The following TFF2 variants were observed in gnomAD, a reference collection of about 807,000 sequenced individuals.
TFF2 encodes the protein spasmolysin.
Under a neutral mutation model 16.0 loss-of-function variants are expected in TFF2, and 19 were observed. The observed-to-expected ratio is 1.19, with a 90% CI of 0.83 to 1.74. TFF2 has a LOEUF of 1.74. TFF2 is among the 40% of genes most tolerant of loss of function. TFF2 has a pLI of 0.00. For synonymous variants in TFF2, 61 were observed against 65.4 expected (o/e 0.93, Z 0.32); for missense variants, 168 against 166.8 (o/e 1.01, Z -0.04).
intron 3 of TFF2, 114 bp downstream of exon 3, chr21:42,347,372 G>T: frequency 7.1e-7 from 1 of 1,409,564 alleles, no homozygotes; most frequent in Middle Eastern, 1.8e-4. Flanking sequence ...AGGGGCCCTG[G>T]CCTCGATGGC....
intron 1 of TFF2, 126 bp downstream of exon 1, chr21:42,350,753 G>A: frequency 9.8e-7 from 1 of 1,023,264 alleles, no homozygotes; most frequent in Non-Finnish European, 1.4e-6. Context: ...AATCCCATGT[G>A]AACAACACAC....
intron 2 of TFF2, among the ~76,000 whole-genome samples, chr21:42,349,151 C>T (rs2052093312): frequency 6.6e-6 from 1 of 151,116 alleles, no homozygotes; most frequent in African/African-American, 2.4e-5. Context: ...GACTAACCAG[C>T]CTACGCTAGC....
chr21:42,350,564 G>A (rs2146395020), intron 1 of TFF2, among the ~76,000 whole-genome samples: 1 of 152,268 alleles, frequency 6.6e-6, no homozygotes, highest in South Asian at 2.1e-4. Flanking sequence ...CCTCCTAGAG[G>A]AGGGTGAACA....
At position 42,347,480 on chromosome 21, in the gene TFF2, C is replaced by T. The variant is rs374026310; in HGVS notation, c.376+6G>A. On this transcript the variant is annotated splice_donor_region_variant and intron_variant, in intron 3 of 3. Transcript: ENST00000291526. ...AACCAGACAGAGAGTCCCACAGCGA[C>T]GTTACCTTCCACAGACTTCGGGAAG... 4.0e-5 allele frequency: 64 copies of T among 1,614,002 alleles called. No homozygotes were observed. In the East Asian group the frequency reaches 4.0e-4, roughly 10 times the overall value.
At chr21:42,347,684 G>T in intron 2 of TFF2, 52 bp from the exon 3 acceptor site, 2 of 1,596,560 alleles carry the variant, frequency 1.3e-6, no homozygotes, top group Non-Finnish European at 8.5e-7. Context: ...GCTGTGCCCT[G>T]GAAAGCTCCA....
chr21:42,346,583 C>G (rs529457253), intron 3 of TFF2, 37 bp from the exon 4 acceptor site: 2 of 1,584,310 alleles, frequency 1.3e-6, no homozygotes, highest in East Asian at 4.5e-5. Context: ...GTAAGGGAAC[C>G]CCAGAAATGG....
In TFF2 at chr21:42,346,550, G is replaced by A; in HGVS notation, c.377-4C>T. On this transcript the variant is annotated splice_region_variant and splice_polypyrimidine_tract_variant and intron_variant, in intron 3 of 3. Coordinates refer to ENST00000291526, the MANE Select transcript of TFF2 (RefSeq NM_005423.5). ...AGCCTCTCTTAGTAATGGCAGTCTAGAAGTTTAAATGCAAGATGGTTGGTA... is the reference window on the plus strand; with the variant it reads ...AGCCTCTCTTAGTAATGGCAGTCTAAAAGTTTAAATGCAAGATGGTTGGTA... The A allele has an allele frequency of 1.9e-6, 3 of 1,598,590 alleles. No homozygotes were observed. Among genetic ancestry groups the A allele is most frequent in the East Asian group, 4.5e-5 (2 of 44,630 alleles).
intron 2 of TFF2, among the ~76,000 whole-genome samples, 200 bp downstream of exon 2, chr21:42,349,681 T>C (rs1203572327): frequency 6.6e-6 from 1 of 152,070 alleles, no homozygotes. Context: ...AGCCCCAGAC[T>C]AACCAACCTG....
intron 3 of TFF2, 61 bp downstream of exon 3, chr21:42,347,425 A>G: frequency 6.2e-7 from 1 of 1,606,618 alleles, no homozygotes; most frequent in Non-Finnish European, 8.5e-7. Flanking sequence ...CCCCACCTCT[A>G]CGGACGGAGG....
Position 42,346,563 on chromosome 21 carries a change from A to T in TFF2, c.377-17T>A, listed in dbSNP as rs374783827. On this transcript the variant is annotated splice_polypyrimidine_tract_variant and intron_variant, in intron 3 of 3. Coordinates refer to ENST00000291526, the MANE Select transcript of TFF2 (RefSeq NM_005423.5). ...AATGGCAGTCTAGAAGTTTAAATGC[A>T]AGATGGTTGGTAAGGGAACCCCAGA... The T allele has an allele frequency of 3.1e-6, 5 of 1,592,618 alleles. No homozygotes were observed. In the East Asian group the frequency reaches 1.1e-4, roughly 36 times the overall value.
intron 2 of TFF2, among the ~76,000 whole-genome samples, chr21:42,349,191 G>T (rs749060899): frequency 4.0e-5 from 6 of 151,092 alleles, no homozygotes; most frequent in Non-Finnish European, 7.4e-5. Flanking sequence ...GCTAGCTCCA[G>T]ACTAACAAAC....
At position 42,350,763 on chromosome 21, in the gene TFF2, C is replaced by G. The variant is rs555665834; in HGVS notation, c.79+116G>C. 969 of 1,094,158 alleles carry G rather than the reference C, an allele frequency of 8.9e-4. 1 individual carries two copies. The highest frequency in any genetic ancestry group is 1.0e-3 in the Non-Finnish European group (780 of 762,818). The allele number at this position is 1,094,158 out of a possible 1,614,324, so 67.8% of individuals were successfully genotyped here. On this transcript the variant is annotated intron_variant, in intron 1 of 3. Coordinates refer to ENST00000291526, the MANE Select transcript of TFF2 (RefSeq NM_005423.5). ...TGGCAAATCCCATGTGAACAACACA[C>G]ATTGCCAGATGCCTTTATAGCCATT...
chr21:42,347,080 G>T (rs1009245752), intron 3 of TFF2, among the ~76,000 whole-genome samples: 3 of 152,226 alleles, frequency 2.0e-5, no homozygotes, highest in Non-Finnish European at 4.4e-5. Flanking sequence ...GGGGGAGAAC[G>T]GGGAAGCCAC....
At chr21:42,350,290 G>T in intron 1 of TFF2, 1 of 781,192 alleles carries the variant, frequency 1.3e-6, no homozygotes, top group Non-Finnish European at 1.6e-6. Context: ...ACTTTAGGAA[G>T]CCGAGGCGGG....
At chr21:42,347,749 G>A in intron 2 of TFF2, 117 bp from the exon 3 acceptor site, 1 of 1,329,434 alleles carries the variant, frequency 7.5e-7, no homozygotes, top group Non-Finnish European at 1.0e-6. Flanking sequence ...ATCATGAGGT[G>A]CTGCCTGGGG....
intron 2 of TFF2, among the ~76,000 whole-genome samples, chr21:42,348,578 A>G (rs902127484): frequency 6.6e-6 from 1 of 152,196 alleles, no homozygotes; most frequent in Non-Finnish European, 1.5e-5. Context: ...CCTCTAGACT[A>G]ACAGTCCAGG....
rs1244387094 is a variant in TFF2 at position 42,349,937 on chromosome 21, C to T, written c.173G>A (p.Cys58Tyr). ...TSDQCFDNGC[C>Y]FDSSVTGVPW... is the part of the protein sequence containing the mutation. The stretch of plus-strand genomic sequence containing the variant: ...GACCCCAGTGACACTGGAGTCGAAA[C>T]AGCATCCATTGTCAAAACACTGGTC... The change falls in exon 2 of 4, where the codon TGT becomes TAT. Residue 58 changes from cysteine (C) to tyrosine (Y), a missense_variant. Physicochemically the swap from Cys to Tyr is radical, Grantham distance 194 (BLOSUM62 -2). Transcript: ENST00000291526. 5 of 1,600,708 alleles carry T rather than the reference C, an allele frequency of 3.1e-6. No homozygotes were observed. In the Admixed American group the frequency reaches 6.9e-5, roughly 22 times the overall value.
chr21:42,348,528 G>A (rs2052087343), intron 2 of TFF2, among the ~76,000 whole-genome samples: 1 of 152,202 alleles, frequency 6.6e-6, no homozygotes, highest in African/African-American at 2.4e-5. Flanking sequence ...AAACAGGGTA[G>A]GTGGGAAATT....
rs143787576 is a variant in TFF2 at position 42,349,592 on chromosome 21, G to C, written c.229+289C>G. ...CGCTAGCTCCAAACTAACCAACCTG[G>C]GCTAGCCTTAGACTAACTAGCCTAC... is the stretch of plus-strand genomic sequence containing the variant. On this transcript the variant is annotated intron_variant, in intron 2 of 3. Transcript: ENST00000291526. Among the ~76,000 whole-genome samples the C allele has an allele frequency of 7.5e-5, 11 of 147,390 alleles. No individual in the cohort carries two copies. The East Asian group carries it at 2.2e-3, about 30-fold the overall frequency.
Sources: allele counts gnomAD v4.1 joint callset (sites outside exome capture counted in the v4.1 genomes callset), GRCh38; gene constraint gnomAD v4.1.1; transcripts MANE v1.5; gene names NCBI Gene and HGNC (gene_info 2026-07-23, HGNC 2026-07-21).